The following RALGAPA1 variants were observed in gnomAD, a reference collection of about 807,000 sequenced individuals.
RALGAPA1 encodes Ral GTPase activating protein catalytic subunit alpha 1, also known as ral GTPase-activating protein subunit alpha-1.
Under a neutral mutation model 269.6 loss-of-function variants are expected in RALGAPA1, and 52 were observed. That is an observed-to-expected ratio of 0.19 (90% CI 0.15 to 0.24). The LOEUF is 0.24. Among genes scored for constraint, RALGAPA1 ranks in the 10% least tolerant of loss-of-function variants. The pLI is 1.00. For synonymous variants in RALGAPA1, 817 were observed against 1,008.3 expected (o/e 0.81, Z 3.60); for missense variants, 1,917 against 3,013.9 (o/e 0.64, Z 8.52).
intron 31 of RALGAPA1, among the ~76,000 whole-genome samples, chr14:35,640,762 T>A (rs530383263): frequency 6.6e-6 from 1 of 152,008 alleles, no homozygotes; most frequent in Admixed American, 6.5e-5. Context: ...AATATCAAAA[T>A]AAAAGACATC....
At chr14:35,700,052 C>T in intron 17 of RALGAPA1, 110 bp downstream of exon 17, 4 of 958,008 alleles carry the variant, frequency 4.2e-6, no homozygotes, top group Non-Finnish European at 4.4e-6. Context: ...CTTTCCCACA[C>T]CTCCCCCAAA....
chr14:35,770,947 C>A lies in RALGAPA1; in HGVS notation c.320G>T (p.Ser107Ile). ...ERIHQRWQFH[S>I]IGLILKKLLH... ...TACATATTTGAATTACTTACCAATA[C>A]TATGAAACTGCCATCGCTGATGAAT... is the stretch of plus-strand genomic sequence containing the variant. Residue 107 changes from serine (S) to isoleucine (I), a missense_variant, in exon 4 of 42, where the codon AGT becomes ATT. Around this residue, in one of 11 missense-constraint regions of RALGAPA1, gnomAD observed 462 missense variants for 725.6 expected, o/e 0.64. Coordinates refer to ENST00000680220, the MANE Select transcript of RALGAPA1 (RefSeq NM_001346249.2). The A allele has an allele frequency of 7.5e-7, 1 of 1,340,952 alleles. No individual in the cohort carries two copies. Among genetic ancestry groups the A allele is most frequent in the Admixed American group, 2.0e-5 (1 of 50,604 alleles). 83.1% of individuals were successfully genotyped at this position (1,340,952 alleles called of 1,614,324 possible). A position where few individuals can be genotyped will look rare whatever the true frequency, so the allele number is the denominator to read the frequency against.
intron 31 of RALGAPA1, among the ~76,000 whole-genome samples, chr14:35,644,549 T>C (rs2062258634): frequency 6.6e-6 from 1 of 152,160 alleles, no homozygotes; most frequent in Non-Finnish European, 1.5e-5. Context: ...ATAATCTCTC[T>C]TGGTAAAGAC....
intron 1 of RALGAPA1, among the ~76,000 whole-genome samples, chr14:35,776,722 A>G (rs908206796): frequency 6.6e-6 from 1 of 152,218 alleles, no homozygotes; most frequent in African/African-American, 2.4e-5. Context: ...GGACAGGAAG[A>G]ACACTAGACA....
At chr14:35,656,961 C>T (rs755059769) in intron 28 of RALGAPA1, among the ~76,000 whole-genome samples, 14 of 152,064 alleles carry the variant, frequency 9.2e-5, no homozygotes, top group Admixed American at 1.3e-4. Context: ...CAAAGCTCTC[C>T]GTGGATGCAG....
intron 41 of RALGAPA1, chr14:35,542,153 A>C: frequency 2.2e-6 from 1 of 446,964 alleles, no homozygotes; most frequent in Non-Finnish European, 3.8e-6. Context: ...TCACTCAGAC[A>C]TAAAATCTCT....
chr14:35,589,025 T>C (rs1185931325), intron 37 of RALGAPA1, among the ~76,000 whole-genome samples: 1 of 152,180 alleles, frequency 6.6e-6, no homozygotes, highest in African/African-American at 2.4e-5. Flanking sequence ...AACCATGATC[T>C]CACTTTTAAG....
chr14:35,560,167 T>A (rs763202754), intron 39 of RALGAPA1, among the ~76,000 whole-genome samples: 1 of 152,162 alleles, frequency 6.6e-6, no homozygotes, highest in Non-Finnish European at 1.5e-5. Context: ...AAACACACAA[T>A]AGCAGAAGGA....
intron 31 of RALGAPA1, among the ~76,000 whole-genome samples, chr14:35,641,602 A>G (rs2062033101): frequency 1.3e-5 from 2 of 152,236 alleles, no homozygotes; most frequent in Non-Finnish European, 2.9e-5. Context: ...AAAAGACACG[A>G]AACAATGGAA....
intron 39 of RALGAPA1, among the ~76,000 whole-genome samples, chr14:35,553,294 T>C (rs560507910): frequency 7.8e-4 from 119 of 152,308 alleles, no homozygotes; most frequent in South Asian, 2.1e-3. Flanking sequence ...ATACTACTAC[T>C]ATTTCTTGTT....
intron 39 of RALGAPA1, among the ~76,000 whole-genome samples, chr14:35,559,090 C>A (rs1028097186): frequency 1.3e-5 from 2 of 151,992 alleles, no homozygotes; most frequent in East Asian, 3.9e-4. Context: ...AACAGATGGG[C>A]GGTAACAGTG....
chr14:35,696,817 C>T (rs1030283104), intron 17 of RALGAPA1, among the ~76,000 whole-genome samples: 16 of 151,834 alleles, frequency 1.1e-4, no homozygotes, highest in African/African-American at 3.4e-4. Context: ...TTTATGAGTT[C>T]GTTTAAGCTA....
At chr14:35,634,522 T>A in intron 33 of RALGAPA1, 52 bp downstream of exon 33, 1 of 1,466,670 alleles carries the variant, frequency 6.8e-7, no homozygotes, top group Non-Finnish European at 9.2e-7. Context: ...CCTCAAGTTA[T>A]ACCTTGAGAG....
intron 27 of RALGAPA1, among the ~76,000 whole-genome samples, 163 bp downstream of exon 27, chr14:35,664,479 T>C (rs1431309004): frequency 6.6e-6 from 1 of 152,190 alleles, no homozygotes; most frequent in Non-Finnish European, 1.5e-5. Context: ...AAAAAGGATA[T>C]GCTCCAAATG....
At chr14:35,662,099 C>CA (rs895988319) in intron 27 of RALGAPA1, among the ~76,000 whole-genome samples, 7 of 151,892 alleles carry the variant, frequency 4.6e-5, no homozygotes, top group Non-Finnish European at 7.4e-5. Context: ...ACTGTAAAAA[C>CA]AAAAAAATCA....
intron 12 of RALGAPA1, among the ~76,000 whole-genome samples, chr14:35,734,394 A>T (rs890270055): frequency 6.6e-6 from 1 of 152,196 alleles, no homozygotes; most frequent in African/African-American, 2.4e-5. Flanking sequence ...ACCCAGAAAT[A>T]AACCCAAATA....
rs372859780 is a variant in RALGAPA1 at position 35,717,894 on chromosome 14, T to C, written c.2266+3794A>G. Reference sequence around the variant, plus strand: ...GATATATAATAATCTTTAAGATATATCACTATAGCTTGACTTTATCTCCTA... The same window carrying C: ...GATATATAATAATCTTTAAGATATACCACTATAGCTTGACTTTATCTCCTA... On this transcript the variant is annotated intron_variant, in intron 16 of 41. Coordinates refer to ENST00000680220, the MANE Select transcript of RALGAPA1 (RefSeq NM_001346249.2). Among the ~76,000 whole-genome samples, 18 of 152,254 alleles carry C rather than the reference T, an allele frequency of 1.2e-4. No homozygotes were observed. In the East Asian group the frequency reaches 3.3e-3, roughly 28 times the overall value.
intron 8 of RALGAPA1, among the ~76,000 whole-genome samples, chr14:35,751,801 A>G (rs1298044950): frequency 6.0e-5 from 9 of 149,050 alleles, no homozygotes; most frequent in Admixed American, 4.7e-4. Context: ...AAACAACAAC[A>G]ACAACAACAA....
intron 10 of RALGAPA1, among the ~76,000 whole-genome samples, chr14:35,745,328 C>T (rs548069480): frequency 6.6e-6 from 1 of 151,980 alleles, no homozygotes; most frequent in East Asian, 1.9e-4. Flanking sequence ...CATTACTAAA[C>T]AGTAATCAAA....
Sources: gnomAD v4.1 joint callset for allele counts (sites outside exome capture counted in the v4.1 genomes callset) on GRCh38, gnomAD v4.1.1 for gene constraint, gnomAD v4.1.1 regional missense constraint, MANE v1.5 for transcripts, NCBI Gene and HGNC (gene_info 2026-07-23, HGNC 2026-07-21) for gene names.